Variants in ADAMTS18 observed in about 807,000 individuals in gnomAD.
ADAMTS18 encodes the protein ADAM metallopeptidase with thrombospondin type 1 motif 18, also known as A disintegrin and metalloproteinase with thrombospondin motifs 18.
ADAMTS18 carries 157 observed loss-of-function variants against 165.9 expected under a neutral mutation model. That is an observed-to-expected ratio of 0.95 (90% CI 0.83 to 1.08). The LOEUF (loss-of-function observed/expected upper bound fraction) is 1.08. Ranked by LOEUF, ADAMTS18 falls within the 50% of genes least tolerant of loss-of-function variation. The pLI is 0.00. For missense variants in ADAMTS18, 2,040 were observed against 1,534.0 expected (o/e 1.33, Z -5.51); for synonymous variants, 782 against 578.2 (o/e 1.35, Z -5.06).
At chr16:77,305,302 A>G (rs1166703360) in intron 16 of ADAMTS18, among the ~76,000 whole-genome samples, 1 of 152,110 alleles carries the variant, frequency 6.6e-6, no homozygotes, top group Non-Finnish European at 1.5e-5. Flanking sequence ...TTTGGAGATT[A>G]TTGTCCACTT....
chr16:77,430,894 T>G (rs1227307149), intron 3 of ADAMTS18, among the ~76,000 whole-genome samples: 1 of 152,208 alleles, frequency 6.6e-6, no homozygotes, highest in African/African-American at 2.4e-5. Context: ...TTACCAGTGC[T>G]GCTGAATGCA....
At chr16:77,381,902 G>T (rs1383424210) in intron 3 of ADAMTS18, among the ~76,000 whole-genome samples, 1 of 152,178 alleles carries the variant, frequency 6.6e-6, no homozygotes, top group South Asian at 2.1e-4. Flanking sequence ...CACTGAGAAA[G>T]CTTCCCCCAT....
At chr16:77,422,986 G>C (rs2057623303) in intron 3 of ADAMTS18, among the ~76,000 whole-genome samples, 1 of 152,198 alleles carries the variant, frequency 6.6e-6, no homozygotes, top group East Asian at 1.9e-4. Context: ...TGAGGACAAT[G>C]ACTCTGAGTC....
chr16:77,308,614 C>T (rs914174572), intron 16 of ADAMTS18, among the ~76,000 whole-genome samples: 1 of 151,138 alleles, frequency 6.6e-6, no homozygotes, highest in Non-Finnish European at 1.5e-5. Flanking sequence ...CATTTTAATC[C>T]TTATTGCCAA....
intron 16 of ADAMTS18, among the ~76,000 whole-genome samples, chr16:77,315,211 G>C (rs183602734): frequency 6.6e-6 from 1 of 151,978 alleles, no homozygotes; most frequent in African/African-American, 2.4e-5. Context: ...TGGAAAATGC[G>C]ATGCTTTTGA....
chr16:77,339,584 GT>G (rs1338824552), intron 11 of ADAMTS18, among the ~76,000 whole-genome samples: 1 of 140,926 alleles, frequency 7.1e-6, no homozygotes, highest in African/African-American at 2.7e-5. Flanking sequence ...AGGTAACGAT[GT>G]TGCTTTTTCA....
chr16:77,356,723 T>C (rs974108323), intron 8 of ADAMTS18, among the ~76,000 whole-genome samples: 3 of 152,176 alleles, frequency 2.0e-5, no homozygotes, highest in African/African-American at 7.2e-5. Flanking sequence ...AACTTTAATT[T>C]GTTTCATCAC....
intron 3 of ADAMTS18, among the ~76,000 whole-genome samples, chr16:77,428,661 C>T (rs2144862649): frequency 6.6e-6 from 1 of 152,190 alleles, no homozygotes; most frequent in South Asian, 2.1e-4. Flanking sequence ...TACCCCTAAT[C>T]CAAAAATTTG....
intron 5 of ADAMTS18, 144 bp from the exon 6 acceptor site, chr16:77,364,029 T>TA (rs905867000): frequency 2.4e-5 from 30 of 1,271,732 alleles, no homozygotes; most frequent in East Asian, 4.8e-5. Flanking sequence ...AAACTCAACT[T>TA]AAAAAAATAA....
rs1432020394 is a variant in ADAMTS18 at position 77,293,089 on chromosome 16, G to T, written c.3176C>A (p.Ser1059Tyr). The T allele has an allele frequency of 7.4e-6, 12 of 1,614,034 alleles. No individual in the cohort carries two copies. Among genetic ancestry groups the T allele is most frequent in the Admixed American group, 1.7e-5 (1 of 60,000 alleles). ...TCTAATCCATACCTCGCTCCACGAAGAAGCGACCCACTGTAGCCGGCTGTT... is the reference window on the plus strand; with the variant it reads ...TCTAATCCATACCTCGCTCCACGAATAAGCGACCCACTGTAGCCGGCTGTT... ...PKNSRLQWVA[S>Y]SWSECSATCG... Residue 1059 changes from serine to tyrosine, a missense_variant, in exon 20 of 23, where the codon TCT (serine) becomes TAT (tyrosine). Transcript: ENST00000282849.
intron 12 of ADAMTS18, 25 bp downstream of exon 12, chr16:77,335,731 G>A (rs2056298302): frequency 6.2e-7 from 1 of 1,614,122 alleles, no homozygotes; most frequent in Non-Finnish European, 8.5e-7. Flanking sequence ...GCCTTGCAAA[G>A]ACTAACTTTC....
chr16:77,322,367 T>C lies in ADAMTS18; in HGVS notation c.2132A>G (p.Lys711Arg). 1.2e-6 allele frequency: 2 copies of C among 1,613,968 alleles called. No homozygotes were observed. Among genetic ancestry groups the C allele is most frequent in the South Asian group, 2.2e-5 (2 of 91,076 alleles). The stretch of plus-strand genomic sequence containing the variant: ...AACCCCGTCAATACAAACATCATTT[T>C]TGTTTGGGGAGCAGGGAGTTCCATC... ...VKDGTPCSPN[K>R]NDVCIDGVCE... is the part of the protein sequence containing the mutation. Residue 711 changes from lysine to arginine, a missense_variant, in exon 14 of 23, where the codon AAA becomes AGA. Coordinates refer to ENST00000282849, the MANE Select transcript of ADAMTS18 (RefSeq NM_199355.4).
At chr16:77,422,164 A>G (rs538036481) in intron 3 of ADAMTS18, among the ~76,000 whole-genome samples, 1 of 152,148 alleles carries the variant, frequency 6.6e-6, no homozygotes, top group Non-Finnish European at 1.5e-5. Flanking sequence ...CCATAAATAA[A>G]AATATGGTTT....
intron 6 of ADAMTS18, 51 bp downstream of exon 6, chr16:77,363,751 G>T (rs772480030): frequency 6.5e-7 from 1 of 1,545,572 alleles, no homozygotes; most frequent in Admixed American, 1.7e-5. Flanking sequence ...TTCAAGAAAT[G>T]TATTCTGAAC....
At chr16:77,379,941 C>A (rs2057008208) in intron 3 of ADAMTS18, among the ~76,000 whole-genome samples, 1 of 152,192 alleles carries the variant, frequency 6.6e-6, no homozygotes, top group Non-Finnish European at 1.5e-5. Context: ...TCCAAGTAAT[C>A]CTGATCTCCA....
intron 10 of ADAMTS18, among the ~76,000 whole-genome samples, chr16:77,353,058 C>T (rs2056578348): frequency 6.6e-6 from 1 of 151,882 alleles, no homozygotes; most frequent in East Asian, 1.9e-4. Context: ...CAAGCCTGGG[C>T]AACACAGTGA....
At chr16:77,375,547 G>A (rs1014119626) in intron 3 of ADAMTS18, among the ~76,000 whole-genome samples, 1 of 152,200 alleles carries the variant, frequency 6.6e-6, no homozygotes, top group Non-Finnish European at 1.5e-5. Context: ...CCACGATGGG[G>A]AAGTCCATGA....
At chr16:77,417,773 G>T (rs1054280419) in intron 3 of ADAMTS18, among the ~76,000 whole-genome samples, 2 of 152,194 alleles carry the variant, frequency 1.3e-5, no homozygotes, top group East Asian at 1.9e-4. Flanking sequence ...TAAAAAAAGT[G>T]TAAGTGGCCC....
At chr16:77,349,552 G>T (rs1188496947) in intron 10 of ADAMTS18, among the ~76,000 whole-genome samples, 2 of 119,880 alleles carry the variant, frequency 1.7e-5, no homozygotes, top group Admixed American at 8.5e-5. Flanking sequence ...AAAAAAAGCC[G>T]GTTCACTGAG....
Sources: gnomAD v4.1 joint callset for allele counts (sites outside exome capture counted in the v4.1 genomes callset) on GRCh38, gnomAD v4.1.1 for gene constraint, MANE v1.5 for transcripts, NCBI Gene and HGNC (gene_info 2026-07-23, HGNC 2026-07-21) for gene names.